The following RNF115 variants were observed in gnomAD, a reference collection of about 807,000 sequenced individuals.
RNF115 encodes the protein ring finger protein 115.
In RNF115, 31 loss-of-function variants were observed where a neutral mutation model predicts 39.2. The ratio of observed to expected loss-of-function variants is 0.79; its 90% CI spans 0.59 to 1.07. The LOEUF (loss-of-function observed/expected upper bound fraction) is 1.07, where lower values mean the gene tolerates loss of function less well. Among genes scored for constraint, RNF115 ranks in the 50% least tolerant of loss-of-function variants. RNF115 has a pLI of 0.00. For missense variants in RNF115, 384 were observed against 381.7 expected (o/e 1.01, Z -0.05); for synonymous variants, 124 against 131.0 (o/e 0.95, Z 0.37).
intron 1 of RNF115, among the ~76,000 whole-genome samples, chr1:145,812,022 G>A (rs1382113210): frequency 7.0e-6 from 1 of 142,000 alleles, no homozygotes; most frequent in Non-Finnish European, 1.6e-5. Context: ...TAAGAAGAGG[G>A]CACTGAATCT....
In RNF115 at chr1:145,743,829, A is replaced by C. The variant is rs1185954183; in HGVS notation, c.*3037T>G. The C allele has an allele frequency of 1.3e-5, 2 of 150,622 alleles. No individual in the cohort carries two copies. Among genetic ancestry groups the C allele is most frequent in the African/African-American group, 4.9e-5 (2 of 41,156 alleles). The allele number at this position is 150,622 out of a possible 1,614,324, so 9.3% of individuals were successfully genotyped here. A position where few individuals can be genotyped will look rare whatever the true frequency, so the allele number is the denominator to read the frequency against. On this transcript the variant is annotated 3_prime_UTR_variant, in exon 9 of 9. Coordinates refer to ENST00000582693, the MANE Select transcript of RNF115 (RefSeq NM_014455.4). ...AAATAAATAAATAATAATAATAATA[A>C]TAATAAATCCCTGAAGAATCCTAAC... is the stretch of plus-strand genomic sequence containing the variant.
chr1:145,806,365 A>G (rs879965769), intron 1 of RNF115, among the ~76,000 whole-genome samples: 27 of 152,122 alleles, frequency 1.8e-4, no homozygotes, highest in Admixed American at 5.2e-4. Context: ...TAAAATAGAT[A>G]AATAAATAAA....
At chr1:145,802,578 T>C (rs17354594) in intron 1 of RNF115, among the ~76,000 whole-genome samples, 43,259 of 152,032 alleles carry the variant, frequency 0.28, 7,179 homozygotes, top group Non-Finnish European at 0.37. Flanking sequence ...GACTTACTAC[T>C]TTTTTCCTAA....
At chr1:145,761,976 G>C (rs1156379071) in intron 4 of RNF115, among the ~76,000 whole-genome samples, 1 of 152,238 alleles carries the variant, frequency 6.6e-6, no homozygotes. Context: ...CAAAGGAGAT[G>C]ATTTTGGAGC....
At chr1:145,750,365 C>T (rs777429091) in intron 7 of RNF115, 42 bp downstream of exon 7, 64 of 1,454,060 alleles carry the variant, frequency 4.4e-5, no homozygotes, top group East Asian at 1.1e-4. Context: ...GATTTTGAAC[C>T]GAGATCAGAA....
At chr1:145,823,674 G>T (rs1169530906) in intron 1 of RNF115, 98 bp downstream of exon 1, 5 of 990,616 alleles carry the variant, frequency 5.0e-6, no homozygotes, top group Non-Finnish European at 7.2e-6. Flanking sequence ...CCGATGTCGG[G>T]CGAGTCAATG....
rs1553710977 is a variant in RNF115, at chr1:145,741,499, G to A, written c.*5367C>T. ...TATTTTAAACCCCTGGAGCAGCTCA[G>A]TGGCTCGCTGGCTGAATACTGAGAC... On this transcript the variant is annotated 3_prime_UTR_variant, in exon 9 of 9. Transcript: ENST00000582693. 1 of 152,178 alleles carries A rather than the reference G, an allele frequency of 6.6e-6. No homozygotes were observed. Among genetic ancestry groups the A allele is most frequent in the Non-Finnish European group, 1.5e-5 (1 of 68,042 alleles). 9.4% of individuals were successfully genotyped at this position (152,178 alleles called of 1,614,324 possible). A position where few individuals can be genotyped will look rare whatever the true frequency, so the allele number is the denominator to read the frequency against.
chr1:145,789,850 C>A lies in RNF115; in HGVS notation c.103-884G>T, dbSNP rs1181711338. Reference sequence around the variant, plus strand: ...TCAGCCTCCCAGGTAGGTGGGATTACAAGCCCCTGGCTAATTTTTGTATTT... The same window carrying A: ...TCAGCCTCCCAGGTAGGTGGGATTAAAAGCCCCTGGCTAATTTTTGTATTT... On this transcript the variant is annotated intron_variant, in intron 1 of 8. Transcript: ENST00000582693. 2.6e-5 allele frequency among the ~76,000 whole-genome samples: 4 copies of A among 151,312 alleles called. No homozygotes were observed. In the East Asian group the frequency reaches 7.8e-4, roughly 30 times the overall value.
At chr1:145,771,435 T>C (rs587671583) in intron 4 of RNF115, among the ~76,000 whole-genome samples, 15 of 152,348 alleles carry the variant, frequency 9.8e-5, no homozygotes, top group Admixed American at 9.1e-4. Context: ...TCTCAGGTAT[T>C]CTGCTATAGC....
In RNF115 at chr1:145,824,012, T is replaced by C; in HGVS notation, c.-139A>G. The stretch of plus-strand genomic sequence containing the variant: ...TCAGAGCCCGCGTCGGTCACGTGAG[T>C]TGGCCAGGCCCAGAAACGCGGCGGC... On this transcript the variant is annotated 5_prime_UTR_variant, in exon 1 of 9. Coordinates refer to ENST00000582693, the MANE Select transcript of RNF115 (RefSeq NM_014455.4). The C allele has an allele frequency of 1.7e-6, 1 of 588,490 alleles. No homozygotes were observed. The highest frequency in any genetic ancestry group is 2.7e-6 in the Non-Finnish European group (1 of 367,386). 36.5% of individuals were successfully genotyped at this position (588,490 alleles called of 1,614,324 possible).
chr1:145,812,279 TC>T (rs1570694605), intron 1 of RNF115, among the ~76,000 whole-genome samples: 1 of 150,402 alleles, frequency 6.6e-6, no homozygotes, highest in East Asian at 1.9e-4. Context: ...CATTACCTTG[TC>T]TACTAAGAAG....
intron 3 of RNF115, among the ~76,000 whole-genome samples, chr1:145,775,780 G>C (rs993162195): frequency 1.3e-5 from 2 of 152,070 alleles, no homozygotes; most frequent in South Asian, 2.1e-4. Context: ...GGGGATCACT[G>C]AGGCCAGAAG....
In RNF115 at chr1:145,823,920, T is replaced by C; in HGVS notation, c.-47A>G. On this transcript the variant is annotated 5_prime_UTR_variant, in exon 1 of 9. Transcript: ENST00000582693. ...TCCGAGAGGGCAGCCGGCCCGTCCC[T>C]CGCCAGGCCGCTACCTCCCGAGCTG... The C allele has an allele frequency of 7.4e-7, 1 of 1,359,384 alleles. No homozygotes were observed. Among genetic ancestry groups the C allele is most frequent in the East Asian group, 3.0e-5 (1 of 33,242 alleles). 84.2% of individuals were successfully genotyped at this position (1,359,384 alleles called of 1,614,324 possible).
chr1:145,758,005 T>C (rs1251801086), intron 4 of RNF115, among the ~76,000 whole-genome samples: 2 of 152,188 alleles, frequency 1.3e-5, no homozygotes, highest in South Asian at 2.1e-4. Flanking sequence ...ATTTTGCACA[T>C]AGAAGAAGTG....
At chr1:145,803,242 C>G (rs1366330329) in intron 1 of RNF115, among the ~76,000 whole-genome samples, 1 of 137,030 alleles carries the variant, frequency 7.3e-6, no homozygotes, top group Non-Finnish European at 1.7e-5. Context: ...AAAAGGAAAA[C>G]AATAGGCCAC....
At chr1:145,761,811 A>C (rs1553713893) in intron 4 of RNF115, among the ~76,000 whole-genome samples, 1 of 152,168 alleles carries the variant, frequency 6.6e-6, no homozygotes, top group Admixed American at 6.5e-5. Context: ...GACAGCTTGC[A>C]CCAATGCGCC....
intron 6 of RNF115, among the ~76,000 whole-genome samples, chr1:145,750,887 C>T (rs587727771): frequency 1.3e-5 from 2 of 152,240 alleles, no homozygotes; most frequent in Non-Finnish European, 2.9e-5. Flanking sequence ...AGTAGCATAA[C>T]GTGAGCCAAG....
intron 1 of RNF115, among the ~76,000 whole-genome samples, chr1:145,805,307 A>G (rs1385175608): frequency 2.6e-5 from 4 of 152,222 alleles, no homozygotes; most frequent in Non-Finnish European, 5.9e-5. Context: ...TTGGATTAAG[A>G]AAACAATTAA....
In RNF115 at chr1:145,753,044, A is replaced by C; in HGVS notation, c.434T>G (p.Leu145Arg). 1 of 1,607,558 alleles carries C rather than the reference A, an allele frequency of 6.2e-7. No homozygotes were observed. Among genetic ancestry groups the C allele is most frequent in the African/African-American group, 1.3e-5 (1 of 74,900 alleles). Residue 145 changes from leucine to arginine, a missense_variant, in exon 5 of 9, where the codon CTA (leucine) becomes CGA (arginine). Leu to Arg is a moderately radical substitution (Grantham distance 102). Coordinates refer to ENST00000582693, the MANE Select transcript of RNF115 (RefSeq NM_014455.4). ...AAAGAATCCTGCAAAGATGTGTTGT[A>C]GTATTCTGTTACAGAAGAAAAAATT... ...PDRSPAIEGI[L>R]QHIFAGFFAN...
Sources: gnomAD v4.1 joint callset for allele counts (sites outside exome capture counted in the v4.1 genomes callset) on GRCh38, gnomAD v4.1.1 for gene constraint, MANE v1.5 for transcripts, NCBI Gene and HGNC (gene_info 2026-07-23, HGNC 2026-07-21) for gene names.